Variants in MRPL35 observed in about 807,000 individuals in gnomAD.
MRPL35 encodes the protein mitochondrial ribosomal protein L35, also known as large ribosomal subunit protein bL35m.
MRPL35 carries 18 observed loss-of-function variants against 21.6 expected under a neutral mutation model. The observed-to-expected ratio is 0.83, with a 90% CI of 0.58 to 1.24. The LOEUF (loss-of-function observed/expected upper bound fraction) is 1.24. MRPL35 is among the 50% of genes most tolerant of loss of function. The pLI is 0.00. For missense variants in MRPL35, 223 were observed against 223.2 expected, an observed-to-expected ratio of 1.00 and a Z score of 0.01; for synonymous variants, 87 against 86.9, an observed-to-expected ratio of 1.00 and a Z score of -0.01.
chr2:86,200,116 T>G (rs2105832219), intron 1 of MRPL35, among the ~76,000 whole-genome samples: 1 of 152,276 alleles, frequency 6.6e-6, no homozygotes, highest in Middle Eastern at 3.4e-3. Context: ...TGCCGTGACG[T>G]TAAGTACTTT....
At chr2:86,203,428 A>G (rs755987141) in intron 1 of MRPL35, among the ~76,000 whole-genome samples, 6 of 152,242 alleles carry the variant, frequency 3.9e-5, no homozygotes, top group Admixed American at 2.0e-4. Flanking sequence ...GATCGGTGGC[A>G]GTCAAAACTT....
At position 86,211,818 on chromosome 2, in the gene MRPL35, G is replaced by A. The variant is rs932574711; in HGVS notation, c.*1150G>A. 1.0e-6 allele frequency: 1 copy of A among 985,316 alleles called. No homozygotes were observed. The highest frequency in any genetic ancestry group is 1.2e-6 in the Non-Finnish European group (1 of 829,966). The allele number at this position is 985,316 out of a possible 1,614,324, so 61.0% of individuals were successfully genotyped here. A position where few individuals can be genotyped will look rare whatever the true frequency, so the allele number is the denominator to read the frequency against. ...GAGTAAGGATATGTATTTCTTAAAA[G>A]TTAGTTTATCCACTTCAGATTTCAT... On this transcript the variant is annotated 3_prime_UTR_variant, in exon 4 of 4. Transcript: ENST00000337109.
rs1673947953 is a variant in MRPL35, at chr2:86,213,272, T to C, written c.*2604T>C. The C allele has an allele frequency of 1.8e-6, 2 of 1,086,434 alleles. No homozygotes were observed. Among genetic ancestry groups the C allele is most frequent in the South Asian group, 4.3e-5 (1 of 23,330 alleles). The allele number at this position is 1,086,434 out of a possible 1,614,324, so 67.3% of individuals were successfully genotyped here. ...TTTAAATTTTATTACTTTGCTTTCC[T>C]GTCCTTTGCCAACTCTTAACCTAGT... On this transcript the variant is annotated 3_prime_UTR_variant, in exon 4 of 4. Coordinates refer to ENST00000337109, the MANE Select transcript of MRPL35 (RefSeq NM_016622.4).
At position 86,207,295 on chromosome 2, in the gene MRPL35, C is replaced by T. The variant is rs766826821; in HGVS notation, c.346C>T (p.Arg116Ter). ...GAAAGCTGTCATCGATAGGTTTCTT[C>T]GACTTCATTGTGGCCTTTGGGTGAG... is the stretch of plus-strand genomic sequence containing the variant. ...TVKAVIDRFL[R>*]LHCGLWVRRK... The change falls in exon 3 of 4, where the codon CGA becomes TGA. Residue 116 changes from arginine (R) to a stop codon, truncating the protein, a stop_gained. Coordinates refer to ENST00000337109, the MANE Select transcript of MRPL35 (RefSeq NM_016622.4). LOFTEE classifies it high-confidence loss of function. 8.1e-6 allele frequency: 13 copies of T among 1,613,662 alleles called. No individual in the cohort carries two copies. Among genetic ancestry groups the T allele is most frequent in the Admixed American group, 3.3e-5 (2 of 59,960 alleles).
At position 86,213,231 on chromosome 2, in the gene MRPL35, C is replaced by G. The variant is rs1673946471; in HGVS notation, c.*2563C>G. On this transcript the variant is annotated 3_prime_UTR_variant, in exon 4 of 4. Coordinates refer to ENST00000337109, the MANE Select transcript of MRPL35 (RefSeq NM_016622.4). Reference sequence around the variant, plus strand: ...ACTAAATAAACACTTCTTCATAACACTGTACCAATTCAGCTTTTAAATTTT... The same window carrying G: ...ACTAAATAAACACTTCTTCATAACAGTGTACCAATTCAGCTTTTAAATTTT... The G allele has an allele frequency of 9.8e-7, 1 of 1,017,722 alleles. No individual in the cohort carries two copies. Among genetic ancestry groups the G allele is most frequent in the Non-Finnish European group, 1.2e-6 (1 of 851,350 alleles). 63.0% of individuals were successfully genotyped at this position (1,017,722 alleles called of 1,614,324 possible).
At chr2:86,199,700 A>G (rs1444093299) in intron 1 of MRPL35, among the ~76,000 whole-genome samples, 167 bp downstream of exon 1, 1 of 152,226 alleles carries the variant, frequency 6.6e-6, no homozygotes, top group African/African-American at 2.4e-5. Context: ...AGCCCGTACC[A>G]AGTCCCCCGA....
chr2:86,211,146 C>T lies in MRPL35; in HGVS notation c.*478C>T. On this transcript the variant is annotated 3_prime_UTR_variant, in exon 4 of 4. Transcript: ENST00000337109. ...GAAGGTGGATGTTTAGGCTTGGGCT[C>T]TGCATGCATGTGACTTGCTTCTTTT... 1 of 986,350 alleles carries T rather than the reference C, an allele frequency of 1.0e-6. No homozygotes were observed. The highest frequency in any genetic ancestry group is 1.2e-6 in the Non-Finnish European group (1 of 830,574). The allele number at this position is 986,350 out of a possible 1,614,324, so 61.1% of individuals were successfully genotyped here. A position where few individuals can be genotyped will look rare whatever the true frequency, so the allele number is the denominator to read the frequency against.
intron 2 of MRPL35, 146 bp from the exon 3 acceptor site, chr2:86,207,037 G>A (rs1264737907): frequency 9.2e-6 from 7 of 757,518 alleles, no homozygotes; most frequent in African/African-American, 5.4e-5. Context: ...TATGCTTAAT[G>A]TCATGGGTCA....
chr2:86,209,989 A>G (rs1673869717), intron 3 of MRPL35, among the ~76,000 whole-genome samples: 1 of 152,224 alleles, frequency 6.6e-6, no homozygotes, highest in African/African-American at 2.4e-5. Flanking sequence ...CCTGGGTGAC[A>G]GAGTGAGACC....
rs1673905015 is a variant in MRPL35, at chr2:86,211,692, G to A, written c.*1024G>A. On this transcript the variant is annotated 3_prime_UTR_variant, in exon 4 of 4. Transcript: ENST00000337109. ...AGGTATTTATTTTTTCTAGAGACAG[G>A]AGTTTTGCTCTGTTGCCCAGGCTGG... The A allele has an allele frequency of 2.0e-6, 2 of 985,130 alleles. No homozygotes were observed. Among genetic ancestry groups the A allele is most frequent in the African/African-American group, 3.5e-5 (2 of 57,230 alleles). 61.0% of individuals were successfully genotyped at this position (985,130 alleles called of 1,614,324 possible). A position where few individuals can be genotyped will look rare whatever the true frequency, so the allele number is the denominator to read the frequency against.
chr2:86,207,384 C>A, intron 3 of MRPL35, 57 bp downstream of exon 3: 1 of 1,568,402 alleles, frequency 6.4e-7, no homozygotes, highest in Non-Finnish European at 8.7e-7. Context: ...GGCGTGGTGG[C>A]TCACGCCTAT....
At chr2:86,209,343 T>C (rs1485342085) in intron 3 of MRPL35, among the ~76,000 whole-genome samples, 1 of 152,218 alleles carries the variant, frequency 6.6e-6, no homozygotes, top group Non-Finnish European at 1.5e-5. Flanking sequence ...GTTCAGTTGG[T>C]ATTGTGCCAT....
Position 86,211,065 on chromosome 2 carries a change from G to C in MRPL35, c.*397G>C. 4 of 988,644 alleles carry C rather than the reference G, an allele frequency of 4.0e-6. No individual in the cohort carries two copies. Among genetic ancestry groups the C allele is most frequent in the Non-Finnish European group, 4.8e-6 (4 of 832,084 alleles). 61.2% of individuals were successfully genotyped at this position (988,644 alleles called of 1,614,324 possible). On this transcript the variant is annotated 3_prime_UTR_variant, in exon 4 of 4. Coordinates refer to ENST00000337109, the MANE Select transcript of MRPL35 (RefSeq NM_016622.4). The stretch of plus-strand genomic sequence containing the variant: ...CCTCACCAACCCCATCTCCCACTCA[G>C]AAATCACCTCCCAGCCTCAGGAAGA...
At chr2:86,205,510 T>A in intron 1 of MRPL35, among the ~76,000 whole-genome samples, 1 of 152,076 alleles carries the variant, frequency 6.6e-6, no homozygotes, top group East Asian at 1.9e-4. Flanking sequence ...TTGAAAAAAA[T>A]CTGTGTGTAA....
chr2:86,212,527 AGAAGTT>A lies in MRPL35; in HGVS notation c.*1861_*1866del. The A allele has an allele frequency of 6.3e-7, 1 of 1,599,232 alleles. No homozygotes were observed. On this transcript the variant is annotated 3_prime_UTR_variant, in exon 4 of 4. Coordinates refer to ENST00000337109, the MANE Select transcript of MRPL35 (RefSeq NM_016622.4). ...GTAGTGAGATGGAAATGGTGCCTGCAGAAGTTGGGGAGAAGGATACTTTTGCACAGC... is the reference window on the plus strand; with the variant it reads ...GTAGTGAGATGGAAATGGTGCCTGCAGGGGAGAAGGATACTTTTGCACAGC...
intron 1 of MRPL35, among the ~76,000 whole-genome samples, chr2:86,202,224 G>A (rs2105833571): frequency 6.6e-6 from 1 of 152,286 alleles, no homozygotes; most frequent in East Asian, 1.9e-4. Flanking sequence ...CCCAGTTCCT[G>A]TTGTTCCCGT....
chr2:86,209,748 T>C (rs1673865615), intron 3 of MRPL35, among the ~76,000 whole-genome samples: 1 of 152,202 alleles, frequency 6.6e-6, no homozygotes, highest in Admixed American at 6.5e-5. Context: ...AATATTAATG[T>C]TGTTACCTCG....
intron 2 of MRPL35, among the ~76,000 whole-genome samples, chr2:86,206,911 A>G (rs1338158692): frequency 6.6e-6 from 1 of 152,224 alleles, no homozygotes; most frequent in Non-Finnish European, 1.5e-5. Flanking sequence ...GGAGTTTGCA[A>G]TCTGGTGGGA....
intron 3 of MRPL35, among the ~76,000 whole-genome samples, chr2:86,207,716 G>A (rs1232686958): frequency 6.6e-6 from 1 of 151,996 alleles, no homozygotes. Context: ...GCTCATGCCT[G>A]TAATCCCAGC....
Sources: allele counts gnomAD v4.1 joint callset (sites outside exome capture counted in the v4.1 genomes callset), GRCh38; gene constraint gnomAD v4.1.1; transcripts MANE v1.5; gene names NCBI Gene and HGNC (gene_info 2026-07-23, HGNC 2026-07-21).